IFT80: variants seen among roughly 807,000 people sequenced by gnomAD.
IFT80 encodes intraflagellar transport 80.
IFT80 carries 79 observed loss-of-function variants against 107.9 expected under a neutral mutation model. That is an observed-to-expected ratio of 0.73 (90% CI 0.61 to 0.88). The LOEUF (loss-of-function observed/expected upper bound fraction) is 0.88. Ranked by LOEUF, IFT80 falls within the 40% of genes least tolerant of loss-of-function variation. The probability of loss-of-function intolerance (pLI) is 0.00; values close to 1 mark genes in which losing one functional copy is unlikely to be tolerated. For synonymous variants in IFT80, 299 were observed against 300.9 expected, an observed-to-expected ratio of 0.99 and a Z score of 0.07; for missense variants, 797 against 914.2, an observed-to-expected ratio of 0.87 and a Z score of 1.65.
intron 9 of IFT80, among the ~76,000 whole-genome samples, chr3:160,309,384 T>C (rs573185251): frequency 2.6e-5 from 4 of 152,198 alleles, no homozygotes; most frequent in South Asian, 4.1e-4. Context: ...TAGATGTCCA[T>C]GAGATGTAGT....
chr3:160,382,374 C>T (rs1472572314), intron 2 of IFT80, among the ~76,000 whole-genome samples: 2 of 152,124 alleles, frequency 1.3e-5, no homozygotes, highest in African/African-American at 4.8e-5. Flanking sequence ...AACTTTCCTA[C>T]ATTAAAATTA....
chr3:160,349,193 A>T (rs1038929910), intron 8 of IFT80, among the ~76,000 whole-genome samples: 6 of 152,164 alleles, frequency 3.9e-5, no homozygotes, highest in African/African-American at 1.4e-4. Flanking sequence ...TCACCCTATA[A>T]TCCCAGCACT....
At chr3:160,274,789 A>C (rs1714113842) in intron 18 of IFT80, among the ~76,000 whole-genome samples, 1 of 152,186 alleles carries the variant, frequency 6.6e-6, no homozygotes. Context: ...AAGTACAAAA[A>C]TTAGCCTGTA....
intron 18 of IFT80, chr3:160,274,577 T>C (rs1303971639): frequency 1.3e-5 from 2 of 152,124 alleles, no homozygotes; most frequent in African/African-American, 4.8e-5. Flanking sequence ...AAGTATATAA[T>C]CTGTAAGAGG....
intron 19 of IFT80, among the ~76,000 whole-genome samples, chr3:160,261,177 T>C (rs1712795279): frequency 6.6e-6 from 1 of 152,094 alleles, no homozygotes. Flanking sequence ...CATTCCTGAC[T>C]CTCATTCTCT....
chr3:160,284,964 T>C (rs1428049125), intron 13 of IFT80, among the ~76,000 whole-genome samples: 2 of 152,190 alleles, frequency 1.3e-5, no homozygotes, highest in African/African-American at 2.4e-5. Flanking sequence ...TGATGAATAA[T>C]AGGTATAGTA....
At chr3:160,343,218 C>T in intron 8 of IFT80, among the ~76,000 whole-genome samples, 1 of 152,116 alleles carries the variant, frequency 6.6e-6, no homozygotes, top group East Asian at 1.9e-4. Flanking sequence ...GATGGTAAGT[C>T]ACTGCAATTA....
chr3:160,345,040 C>CA (rs1324442155), intron 8 of IFT80, among the ~76,000 whole-genome samples: 1 of 151,958 alleles, frequency 6.6e-6, no homozygotes, highest in African/African-American at 2.4e-5. Context: ...AGAGGTTCCT[C>CA]AAAAAACTAA....
intron 9 of IFT80, among the ~76,000 whole-genome samples, chr3:160,309,322 T>C (rs968911681): frequency 2.6e-5 from 4 of 152,178 alleles, no homozygotes; most frequent in South Asian, 2.1e-4. Context: ...AACTATGATA[T>C]AGTCACACAG....
At position 160,388,551 on chromosome 3, in the gene IFT80, T is replaced by C. The variant is rs565039137; in HGVS notation, c.-46-3905A>G. Among the ~76,000 whole-genome samples the C allele has an allele frequency of 2.3e-3, 348 of 149,316 alleles. 3 individuals are homozygous for C. The highest frequency in any genetic ancestry group is 7.8e-3 in the African/African-American group (321 of 41,086). On this transcript the variant is annotated intron_variant, in intron 1 of 19. Coordinates refer to ENST00000326448, the MANE Select transcript of IFT80 (RefSeq NM_020800.3). Reference sequence around the variant, plus strand: ...GTCATGTCCTAACCCCCAGAACCTATAAATATACATATTATATTATTATAT... The same window carrying C: ...GTCATGTCCTAACCCCCAGAACCTACAAATATACATATTATATTATTATAT...
intron 5 of IFT80, among the ~76,000 whole-genome samples, chr3:160,369,923 A>G (rs1199238985): frequency 6.6e-6 from 1 of 152,044 alleles, no homozygotes; most frequent in Non-Finnish European, 1.5e-5. Flanking sequence ...AAATCATGTG[A>G]CCTTTTTGAC....
intron 19 of IFT80, among the ~76,000 whole-genome samples, chr3:160,259,355 C>A (rs1343983866): frequency 6.6e-6 from 1 of 152,054 alleles, no homozygotes; most frequent in African/African-American, 2.4e-5. Flanking sequence ...AAAAGTGGAC[C>A]GGACTCTGGT....
At chr3:160,297,205 G>A (rs1045290912) in intron 12 of IFT80, among the ~76,000 whole-genome samples, 17 of 151,978 alleles carry the variant, frequency 1.1e-4, no homozygotes, top group Admixed American at 3.3e-4. Flanking sequence ...AGTCTCAATC[G>A]TAACAGTGAT....
intron 13 of IFT80, among the ~76,000 whole-genome samples, chr3:160,285,531 T>A (rs1044565187): frequency 1.3e-5 from 2 of 152,216 alleles, no homozygotes; most frequent in African/African-American, 4.8e-5. Flanking sequence ...AAAAAGAACA[T>A]GTAACTGAAA....
chr3:160,337,345 G>T (rs1010124623), intron 8 of IFT80, among the ~76,000 whole-genome samples: 2 of 152,162 alleles, frequency 1.3e-5, no homozygotes, highest in Non-Finnish European at 2.9e-5. Flanking sequence ...GTAAGAATGA[G>T]CCAGGCGTGG....
At chr3:160,395,220 C>G (rs1262507201) in intron 1 of IFT80, among the ~76,000 whole-genome samples, 1 of 152,148 alleles carries the variant, frequency 6.6e-6, no homozygotes, top group Admixed American at 6.5e-5. Context: ...AAAACTCTCA[C>G]CTGGCTTATC....
chr3:160,271,466 T>G (rs1329631558), intron 18 of IFT80, among the ~76,000 whole-genome samples: 1 of 152,208 alleles, frequency 6.6e-6, no homozygotes, highest in African/African-American at 2.4e-5. Context: ...AGGATTAACA[T>G]GCATATTTAG....
intron 8 of IFT80, among the ~76,000 whole-genome samples, chr3:160,328,764 C>T (rs537147949): frequency 1.1e-4 from 17 of 151,960 alleles, no homozygotes; most frequent in African/African-American, 2.7e-4. Context: ...GGCTGGAGAA[C>T]GAAAATGTGG....
At chr3:160,303,276 G>A (rs1716577467) in intron 11 of IFT80, among the ~76,000 whole-genome samples, 2 of 152,174 alleles carry the variant, frequency 1.3e-5, no homozygotes, top group South Asian at 4.1e-4. Context: ...GGCTATCACT[G>A]TACTCAAGAG....
Sources: allele counts gnomAD v4.1 joint callset (sites outside exome capture counted in the v4.1 genomes callset), GRCh38; gene constraint gnomAD v4.1.1; transcripts MANE v1.5; gene names NCBI Gene and HGNC (gene_info 2026-07-23, HGNC 2026-07-21).